Variants in HJURP observed in about 807,000 individuals in gnomAD.
HJURP encodes 14-3-3-associated AKT substrate.
In HJURP, 49 loss-of-function variants were observed where a neutral mutation model predicts 72.0. The ratio of observed to expected loss-of-function variants is 0.68; its 90% CI spans 0.54 to 0.86. The LOEUF is 0.86. Among genes scored for constraint, HJURP ranks in the 40% least tolerant of loss-of-function variants. The pLI is 0.00. For missense variants in HJURP, 908 were observed against 936.3 expected, an observed-to-expected ratio of 0.97 and a Z score of 0.39; for synonymous variants, 357 against 347.1, an observed-to-expected ratio of 1.03 and a Z score of -0.32.
chr2:233,838,692 T>G (rs1443673414), intron 8 of HJURP, among the ~76,000 whole-genome samples: 2 of 152,192 alleles, frequency 1.3e-5, no homozygotes, highest in Non-Finnish European at 2.9e-5. Context: ...GCCGGACAGT[T>G]GTTTTTGGTG....
chr2:233,845,906 T>A, intron 5 of HJURP, 86 bp from the exon 6 acceptor site: 1 of 826,548 alleles, frequency 1.2e-6, no homozygotes, highest in Non-Finnish European at 2.1e-6. Context: ...GCAAGCTCAT[T>A]AATGTACAAA....
At chr2:233,840,311 G>C (rs774561152) in intron 8 of HJURP, among the ~76,000 whole-genome samples, 2 of 152,308 alleles carry the variant, frequency 1.3e-5, no homozygotes, top group South Asian at 4.1e-4. Flanking sequence ...ATAAAGCGTA[G>C]TAAGTGAGGA....
chr2:233,839,203 C>A (rs889588212), intron 8 of HJURP, among the ~76,000 whole-genome samples: 9 of 152,212 alleles, frequency 5.9e-5, no homozygotes, highest in African/African-American at 1.9e-4. Flanking sequence ...GCTTCTAGAA[C>A]TGAGCCAAGG....
At chr2:233,851,408 C>T (rs190378526) in intron 3 of HJURP, among the ~76,000 whole-genome samples, 2 of 152,144 alleles carry the variant, frequency 1.3e-5, no homozygotes, top group Admixed American at 6.5e-5. Flanking sequence ...TTTCCTCCTG[C>T]AACACAGAGC....
intron 8 of HJURP, among the ~76,000 whole-genome samples, chr2:233,839,683 A>C (rs1383403681): frequency 1.3e-5 from 2 of 152,244 alleles, no homozygotes; most frequent in Admixed American, 6.5e-5. Flanking sequence ...CTCGCAGGCC[A>C]GGCGGGTCCA....
intron 3 of HJURP, among the ~76,000 whole-genome samples, chr2:233,851,752 C>A (rs1249641914): frequency 6.6e-6 from 1 of 152,100 alleles, no homozygotes; most frequent in African/African-American, 2.4e-5. Flanking sequence ...GGAATCAGCT[C>A]ATTTATGTAG....
At chr2:233,847,838 G>A (rs1164729961) in intron 4 of HJURP, among the ~76,000 whole-genome samples, 1 of 152,202 alleles carries the variant, frequency 6.6e-6, no homozygotes, top group African/African-American at 2.4e-5. Flanking sequence ...TGAACAGCTG[G>A]GATGTGGCCA....
rs1402293944 is a variant in HJURP, at chr2:233,846,698, C to T, written c.402+699G>A. On this transcript the variant is annotated intron_variant, in intron 5 of 8. Transcript: ENST00000411486. The surrounding 1 kb of genome is among the most constrained non-coding windows in gnomAD (Gnocchi z 4.3). ...TTTTTCTTAGTCACTGAAAGTCACA[C>T]ATGGGTGCGTGGGAAACCCTCTGCA... 1.3e-5 allele frequency among the ~76,000 whole-genome samples: 2 copies of T among 152,194 alleles called. No homozygotes were observed. The highest frequency in any genetic ancestry group is 2.9e-5 in the Non-Finnish European group (2 of 68,034).
At chr2:233,854,018 G>T in intron 1 of HJURP, 108 bp from the exon 2 acceptor site, 1 of 942,420 alleles carries the variant, frequency 1.1e-6, no homozygotes, top group Non-Finnish European at 1.6e-6. Flanking sequence ...GGCCTGGGGC[G>T]CCCCAAACGC....
At position 233,849,836 on chromosome 2, in the gene HJURP, G is replaced by C; in HGVS notation, c.264C>G (p.Asp88Glu). 1 of 1,552,764 alleles carries C rather than the reference G, an allele frequency of 6.4e-7. No homozygotes were observed. Among genetic ancestry groups the C allele is most frequent in the Non-Finnish European group, 8.7e-7 (1 of 1,147,416 alleles). Residue 88 changes from aspartate to glutamate, a missense_variant, in exon 4 of 9, where the codon GAC becomes GAG. Physicochemically the swap from Asp to Glu is conservative, Grantham distance 45. Transcript: ENST00000411486. ...EIQDSSMKPA[D>E]RTDGSVQAAA... The stretch of plus-strand genomic sequence containing the variant: ...CAGCTTGCACGGAGCCATCTGTCCT[G>C]TCCGCGGGCTTCATGGAGGAGTCCT...
intron 4 of HJURP, among the ~76,000 whole-genome samples, chr2:233,849,533 C>T (rs1037973988): frequency 6.6e-6 from 1 of 152,118 alleles, no homozygotes; most frequent in African/African-American, 2.4e-5. Context: ...TGTTTATTTA[C>T]TCAAAAAACA....
chr2:233,851,359 A>G (rs1437112902), intron 3 of HJURP, among the ~76,000 whole-genome samples: 1 of 152,234 alleles, frequency 6.6e-6, no homozygotes, highest in Non-Finnish European at 1.5e-5. Context: ...TTATTGGAAC[A>G]CTGCCACGTA....
In HJURP at chr2:233,854,519, A is replaced by C. The variant is rs1432181706; in HGVS notation, c.-19T>G. ...CCAGCATCGGACCCAGCCAGTACCC[A>C]AGCGCCAACCCGGACTGCAGGGCCT... is the stretch of plus-strand genomic sequence containing the variant. On this transcript the variant is annotated 5_prime_UTR_variant, in exon 1 of 9. Transcript: ENST00000411486. 4 of 1,582,654 alleles carry C rather than the reference A, an allele frequency of 2.5e-6. No individual in the cohort carries two copies. In the African/African-American group the frequency reaches 5.4e-5, roughly 21 times the overall value.
At position 233,841,877 on chromosome 2, in the gene HJURP, A is replaced by G. The variant is rs752786821; in HGVS notation, c.903T>C (p.Tyr301=). ...QNWNSRRRHR[Y]KSRMNKTYCK... ...AATATGTTTTGTTCATCCTGCTCTT[A>G]TATCTGTGCCTCCTCCTGGAGTTCC... The change falls in exon 8 of 9, where the codon TAT becomes TAC. Residue 301 remains tyrosine, a synonymous_variant. Transcript: ENST00000411486. 2 of 1,614,160 alleles carry G rather than the reference A, an allele frequency of 1.2e-6. No individual in the cohort carries two copies. The highest frequency in any genetic ancestry group is 2.2e-5 in the East Asian group (1 of 44,890).
chr2:233,853,309 C>A (rs944170610), intron 2 of HJURP, among the ~76,000 whole-genome samples: 4 of 152,218 alleles, frequency 2.6e-5, no homozygotes, highest in Non-Finnish European at 5.9e-5. Flanking sequence ...AAAGAATCCA[C>A]AAGATTTCAG....
Position 233,841,329 on chromosome 2 carries a change from C to T in HJURP, c.1451G>A (p.Arg484Lys), listed in dbSNP as rs1465504018. ...TGCTTTGCTGGAAGGTAAACTCAGCCTGCGGGTTTCTAAGCCCTGAAGGCC... is the reference window on the plus strand; with the variant it reads ...TGCTTTGCTGGAAGGTAAACTCAGCTTGCGGGTTTCTAAGCCCTGAAGGCC... ...PGGLQGLETR[R>K]LSLPSSKAKA... Residue 484 changes from arginine (R) to lysine (K), a missense_variant, in exon 8 of 9, where the codon AGG (arginine) becomes AAG (lysine). Arg to Lys is a conservative substitution (Grantham distance 26). This residue lies in a region of HJURP where 598 missense variants were observed against 619.5 expected (regional missense o/e 0.97). Coordinates refer to ENST00000411486, the MANE Select transcript of HJURP (RefSeq NM_018410.5). The T allele has an allele frequency of 6.2e-7, 1 of 1,614,156 alleles. No individual in the cohort carries two copies. Among genetic ancestry groups the T allele is most frequent in the South Asian group, 1.1e-5 (1 of 91,074 alleles).
Position 233,840,775 on chromosome 2 carries a change from T to G in HJURP, c.2005A>C (p.Thr669Pro), listed in dbSNP as rs777484620. Residue 669 changes from threonine to proline, a missense_variant, in exon 8 of 9, where the codon ACG becomes CCG. Physicochemically the swap from Thr to Pro is conservative, Grantham distance 38 (BLOSUM62 -1). Around this residue, in one of 3 missense-constraint regions of HJURP, gnomAD observed 598 missense variants for 619.5 expected, o/e 0.97. Coordinates refer to ENST00000411486, the MANE Select transcript of HJURP (RefSeq NM_018410.5). ...PSSTCVARAI[T>P]RDGTRDHQFP... ...TGATGGTCCCTCGTGCCATCCCTCG[T>G]GATGGCACGAGCAACACATGTAGAT... 158 of 1,613,074 alleles carry G rather than the reference T, an allele frequency of 9.8e-5. No individual in the cohort carries two copies. The highest frequency in any genetic ancestry group is 1.3e-4 in the Non-Finnish European group (151 of 1,179,424).
chr2:233,838,289 C>T (rs1279379982), intron 8 of HJURP, among the ~76,000 whole-genome samples: 2 of 152,142 alleles, frequency 1.3e-5, no homozygotes, highest in East Asian at 3.9e-4. Flanking sequence ...CTGGGAGGGC[C>T]CTGCGGGGCC....
At chr2:233,847,315 G>C in intron 5 of HJURP, 82 bp downstream of exon 5, 1 of 1,076,540 alleles carries the variant, frequency 9.3e-7, no homozygotes, top group South Asian at 1.3e-5. Context: ...AGCGCTGCCC[G>C]CCTCAGGCCA....
Sources: allele counts gnomAD v4.1 joint callset (sites outside exome capture counted in the v4.1 genomes callset), GRCh38; gene constraint gnomAD v4.1.1; regional missense constraint gnomAD v4.1.1; non-coding constraint Gnocchi (gnomAD v3.1); transcripts MANE v1.5; gene names NCBI Gene and HGNC (gene_info 2026-07-23, HGNC 2026-07-21).